Variants in SGMS1 observed in about 807,000 individuals in gnomAD.
SGMS1 encodes phosphatidylcholine:ceramide cholinephosphotransferase 1.
SGMS1 carries 13 observed loss-of-function variants against 46.2 expected under a neutral mutation model. The ratio of observed to expected loss-of-function variants is 0.28; its 90% CI spans 0.18 to 0.45. SGMS1 has a LOEUF of 0.45. Among genes scored for constraint, SGMS1 ranks in the 20% least tolerant of loss-of-function variants. The probability of loss-of-function intolerance (pLI) is 1.00; values close to 1 mark genes in which losing one functional copy is unlikely to be tolerated. For missense variants in SGMS1, 324 were observed against 519.9 expected (o/e 0.62, Z 3.66); for synonymous variants, 203 against 187.8 (o/e 1.08, Z -0.66).
At chr10:50,438,954 A>G (rs1272714395) in intron 5 of SGMS1, among the ~76,000 whole-genome samples, 7 of 152,226 alleles carry the variant, frequency 4.6e-5, no homozygotes, top group African/African-American at 1.7e-4. Context: ...CATGCGAAAC[A>G]TGACACGTTT....
chr10:50,623,912 G>C lies in SGMS1; in HGVS notation c.-889C>G. 1 of 986,986 alleles carries C rather than the reference G, an allele frequency of 1.0e-6. No individual in the cohort carries two copies. The highest frequency in any genetic ancestry group is 1.2e-6 in the Non-Finnish European group (1 of 831,246). The allele number at this position is 986,986 out of a possible 1,614,324, so 61.1% of individuals were successfully genotyped here. A position where few individuals can be genotyped will look rare whatever the true frequency, so the allele number is the denominator to read the frequency against. ...GCCTGCCGCCCGCAGCCGCTGCCCC[G>C]CTGGTGCGAACGCTTTCGACTTGCC... On this transcript the variant is annotated 5_prime_UTR_variant, in exon 1 of 11. Transcript: ENST00000361781.
chr10:50,354,172 A>C (rs1436274536), intron 6 of SGMS1, among the ~76,000 whole-genome samples: 1 of 150,252 alleles, frequency 6.7e-6, no homozygotes, highest in East Asian at 1.9e-4. Flanking sequence ...GAGGCATCAC[A>C]CTACCTGACT....
intron 1 of SGMS1, among the ~76,000 whole-genome samples, chr10:50,623,395 G>A (rs886693883): frequency 6.6e-6 from 1 of 152,048 alleles, no homozygotes; most frequent in African/African-American, 2.4e-5. Context: ...CAGTAGCTCT[G>A]AAAAGGTGCC....
intron 6 of SGMS1, among the ~76,000 whole-genome samples, chr10:50,425,664 G>A (rs1849315648): frequency 1.3e-5 from 2 of 152,136 alleles, no homozygotes; most frequent in African/African-American, 4.8e-5. Flanking sequence ...TGGATAATGG[G>A]ATGAATTGTA....
intron 2 of SGMS1, among the ~76,000 whole-genome samples, chr10:50,536,349 A>C (rs1309395629): frequency 6.6e-6 from 1 of 152,152 alleles, no homozygotes; most frequent in Non-Finnish European, 1.5e-5. Context: ...ACAAACAAAC[A>C]AACAAAAAAA....
At chr10:50,556,565 C>T (rs1838190837) in intron 2 of SGMS1, among the ~76,000 whole-genome samples, 1 of 152,044 alleles carries the variant, frequency 6.6e-6, no homozygotes. Context: ...AGCAAGGAGG[C>T]CAGAGTGAAT....
At chr10:50,575,060 T>C (rs928432872) in intron 2 of SGMS1, among the ~76,000 whole-genome samples, 6 of 148,630 alleles carry the variant, frequency 4.0e-5, no homozygotes, top group Admixed American at 3.4e-4. Flanking sequence ...GAAGACGTTA[T>C]GTTAAGTGAA....
At chr10:50,564,792 G>GTT in intron 2 of SGMS1, among the ~76,000 whole-genome samples, 1 of 151,024 alleles carries the variant, frequency 6.6e-6, no homozygotes, top group African/African-American at 2.4e-5. Flanking sequence ...TATTTTTTAA[G>GTT]TTTTTTTTTC....
chr10:50,349,523 C>A (rs1847969922), intron 6 of SGMS1, among the ~76,000 whole-genome samples: 1 of 147,566 alleles, frequency 6.8e-6, no homozygotes, highest in African/African-American at 2.5e-5. Flanking sequence ...TTAACAACTA[C>A]CTTACCTACT....
At chr10:50,535,609 C>G (rs1837993675) in intron 2 of SGMS1, among the ~76,000 whole-genome samples, 1 of 152,138 alleles carries the variant, frequency 6.6e-6, no homozygotes, top group South Asian at 2.1e-4. Flanking sequence ...ACTTCGTGAT[C>G]CACCCGCCTC....
chr10:50,460,660 C>T lies in SGMS1; in HGVS notation c.-313+13G>A, dbSNP rs1810576. 104,601 of 152,172 alleles carry T rather than the reference C, an allele frequency of 0.69. 37,407 individuals carry two copies. Among genetic ancestry groups the T allele is most frequent in the East Asian group, 0.89 (4,655 of 5,230 alleles). 9.4% of individuals were successfully genotyped at this position (152,172 alleles called of 1,614,324 possible). A position where few individuals can be genotyped will look rare whatever the true frequency, so the allele number is the denominator to read the frequency against. On this transcript the variant is annotated intron_variant, in intron 5 of 10. Coordinates refer to ENST00000361781, the MANE Select transcript of SGMS1 (RefSeq NM_147156.4). ...CACATCAGGTTCAATCCAAGTTCTC[C>T]GTCAATACATACCTGCAACAGCCAC...
chr10:50,566,738 G>A (rs916110820), intron 2 of SGMS1, among the ~76,000 whole-genome samples: 8 of 152,008 alleles, frequency 5.3e-5, no homozygotes, highest in African/African-American at 1.7e-4. Flanking sequence ...TATCCACAGG[G>A]GATTGGTTTC....
chr10:50,396,063 G>A (rs1015807768), intron 6 of SGMS1, among the ~76,000 whole-genome samples: 25 of 152,298 alleles, frequency 1.6e-4, no homozygotes, highest in South Asian at 8.3e-4. Context: ...ACCAAGGTCT[G>A]GACCCTCCAG....
At chr10:50,371,049 T>C (rs1848428181) in intron 6 of SGMS1, among the ~76,000 whole-genome samples, 1 of 152,196 alleles carries the variant, frequency 6.6e-6, no homozygotes, top group Admixed American at 6.5e-5. Flanking sequence ...TTATCAAGTG[T>C]TATGTAAGGT....
At position 50,389,160 on chromosome 10, in the gene SGMS1, C is replaced by T. The variant is rs74508088; in HGVS notation, c.-232+44316G>A. 5.7e-3 allele frequency among the ~76,000 whole-genome samples: 866 copies of T among 152,220 alleles called. 6 individuals carry two copies. The highest frequency in any genetic ancestry group is 0.011 in the South Asian group (52 of 4,814). On this transcript the variant is annotated intron_variant, in intron 6 of 10. Transcript: ENST00000361781. ...TATCAACTGTCTTCCTGAATATTTT[C>T]TCCCAAGAATACTATGGGTAGAGGT...
intron 3 of SGMS1, among the ~76,000 whole-genome samples, chr10:50,471,273 C>T (rs905774064): frequency 2.0e-5 from 3 of 152,160 alleles, no homozygotes; most frequent in South Asian, 2.1e-4. Context: ...TCCCTTCATT[C>T]GGCAAACATT....
intron 6 of SGMS1, among the ~76,000 whole-genome samples, chr10:50,422,074 C>G (rs1037646361): frequency 2.0e-5 from 3 of 152,174 alleles, no homozygotes; most frequent in Non-Finnish European, 4.4e-5. Context: ...GGGAATCTCT[C>G]CTCTCCTCCA....
chr10:50,423,960 AC>A (rs1222207023), intron 6 of SGMS1, among the ~76,000 whole-genome samples: 1 of 152,242 alleles, frequency 6.6e-6, no homozygotes, highest in Non-Finnish European at 1.5e-5. Context: ...ACATTATTTT[AC>A]ATTTAATCCA....
At chr10:50,587,589 A>C (rs1222637210) in intron 2 of SGMS1, among the ~76,000 whole-genome samples, 3 of 149,124 alleles carry the variant, frequency 2.0e-5, no homozygotes, top group East Asian at 2.0e-4. Context: ...GTGCCACTGC[A>C]CTCCAGCCTG....
Sources: allele counts gnomAD v4.1 joint callset (sites outside exome capture counted in the v4.1 genomes callset), GRCh38; gene constraint gnomAD v4.1.1; transcripts MANE v1.5; gene names NCBI Gene and HGNC (gene_info 2026-07-23, HGNC 2026-07-21).